Variants in UXS1 observed in about 807,000 individuals in gnomAD.
UXS1 encodes the protein UDP-glucuronate decarboxylase 1.
Under a neutral mutation model 62.6 loss-of-function variants are expected in UXS1, and 33 were observed. The observed-to-expected ratio is 0.53, with a 90% confidence interval of 0.40 to 0.70. The LOEUF is 0.70. Among genes scored for constraint, UXS1 ranks in the 30% least tolerant of loss-of-function variants. The probability of loss-of-function intolerance (pLI) is 0.00; values close to 1 mark genes in which losing one functional copy is unlikely to be tolerated. For missense variants in UXS1, 434 were observed against 556.3 expected, an observed-to-expected ratio of 0.78 and a Z score of 2.21; for synonymous variants, 213 against 206.8, an observed-to-expected ratio of 1.03 and a Z score of -0.26.
intron 1 of UXS1, among the ~76,000 whole-genome samples, chr2:106,192,975 G>A (rs1349921816): frequency 6.6e-6 from 1 of 152,048 alleles, no homozygotes; most frequent in African/African-American, 2.4e-5. Flanking sequence ...ACTCAAGATT[G>A]ACCACACACA....
intron 2 of UXS1, 148 bp downstream of exon 2, chr2:106,165,908 G>A: frequency 1.6e-6 from 1 of 643,398 alleles, no homozygotes; most frequent in East Asian, 3.2e-5. Flanking sequence ...TAGGAGAAAA[G>A]AAACAGCTCA....
At chr2:106,190,804 G>A (rs1235689093) in intron 1 of UXS1, among the ~76,000 whole-genome samples, 1 of 151,536 alleles carries the variant, frequency 6.6e-6, no homozygotes, top group Non-Finnish European at 1.5e-5. Flanking sequence ...GGTGGCAGGG[G>A]ATACTGTTTG....
At chr2:106,191,649 CCAA>C (rs1010390607) in intron 1 of UXS1, among the ~76,000 whole-genome samples, 151 of 152,342 alleles carry the variant, frequency 9.9e-4, no homozygotes, top group African/African-American at 3.6e-3. Context: ...TTTTCACACT[CCAA>C]CAATACCATC....
chr2:106,117,897 A>G (rs1679187616), intron 9 of UXS1, among the ~76,000 whole-genome samples: 1 of 152,264 alleles, frequency 6.6e-6, no homozygotes, highest in Non-Finnish European at 1.5e-5. Context: ...CAAAGGTGCT[A>G]AAAGGTTCAA....
intron 1 of UXS1, among the ~76,000 whole-genome samples, chr2:106,172,909 C>T (rs1049381940): frequency 3.3e-5 from 5 of 152,184 alleles, no homozygotes; most frequent in African/African-American, 1.2e-4. Context: ...TCCCAACTGC[C>T]TCTTCACCTT....
chr2:106,109,008 C>T (rs983786328), intron 10 of UXS1, among the ~76,000 whole-genome samples: 2 of 152,064 alleles, frequency 1.3e-5, no homozygotes, highest in Admixed American at 1.3e-4. Context: ...AGAGTGTGTC[C>T]GACCACCCTG....
At chr2:106,183,578 G>C (rs1470640740) in intron 1 of UXS1, 1 of 152,098 alleles carries the variant, frequency 6.6e-6, no homozygotes, top group East Asian at 1.9e-4. Context: ...CTAAATGCAG[G>C]GCGATGAGGA....
chr2:106,101,622 T>C (rs1269773924), intron 11 of UXS1: 3 of 153,172 alleles, frequency 2.0e-5, no homozygotes, highest in Non-Finnish European at 4.4e-5. Context: ...AAATCACAGA[T>C]AAAGGCAAAC....
At chr2:106,187,284 T>C (rs1684621603) in intron 1 of UXS1, among the ~76,000 whole-genome samples, 1 of 152,114 alleles carries the variant, frequency 6.6e-6, no homozygotes, top group Non-Finnish European at 1.5e-5. Context: ...GAACCTGCAT[T>C]TGACAAGCCC....
At chr2:106,160,493 T>G (rs1682814620) in intron 4 of UXS1, 1 of 152,228 alleles carries the variant, frequency 6.6e-6, no homozygotes, top group South Asian at 2.1e-4. Flanking sequence ...CGCTCGGGAA[T>G]GGGAATATAG....
intron 4 of UXS1, chr2:106,159,523 AGT>A (rs1170109602): frequency 6.6e-6 from 1 of 152,250 alleles, no homozygotes; most frequent in Admixed American, 6.5e-5. Context: ...GGAGCAGGGC[AGT>A]GTGATCTGAA....
Position 106,145,449 on chromosome 2 carries a change from C to CA in UXS1, c.292-80dup. 4 of 1,473,950 alleles carry CA rather than the reference C, an allele frequency of 2.7e-6. No individual in the cohort carries two copies. In the East Asian group the frequency reaches 9.7e-5, roughly 36 times the overall value. The allele number at this position is 1,473,950 out of a possible 1,614,324, so 91.3% of individuals were successfully genotyped here. On this transcript the variant is annotated intron_variant, in intron 5 of 14. Coordinates refer to ENST00000283148, the MANE Select transcript of UXS1 (RefSeq NM_001253875.2). ...AGTGAGGACCAGCTCCACGGAGAGA[C>CA]ATCTCTGGTGCAGCCACGACTTAAA...
chr2:106,094,333 C>A (rs1303672629), intron 14 of UXS1, among the ~76,000 whole-genome samples, 176 bp from the exon 15 acceptor site: 2 of 150,438 alleles, frequency 1.3e-5, no homozygotes, highest in African/African-American at 5.0e-5. Flanking sequence ...TCACGGCCCA[C>A]CGAGAGAAGC....
At chr2:106,175,859 G>A (rs772313358) in intron 1 of UXS1, among the ~76,000 whole-genome samples, 10 of 152,080 alleles carry the variant, frequency 6.6e-5, no homozygotes, top group Non-Finnish European at 1.3e-4. Flanking sequence ...TAAATACAAC[G>A]GTAACTGTTT....
At chr2:106,125,740 C>T in intron 7 of UXS1, 61 bp from the exon 8 acceptor site, 2 of 1,440,604 alleles carry the variant, frequency 1.4e-6, no homozygotes, top group East Asian at 2.5e-5. Flanking sequence ...ACATTTTTTG[C>T]TGGCCAATTT....
intron 11 of UXS1, chr2:106,102,098 G>A (rs1391947694): frequency 4.6e-5 from 7 of 152,154 alleles, no homozygotes; most frequent in African/African-American, 1.7e-4. Context: ...AGATATTTCT[G>A]CGTTTTCCTT....
Position 106,093,705 on chromosome 2 carries a change from A to G in UXS1, c.*321T>C, listed in dbSNP as rs780538977. 9.8e-5 allele frequency: 23 copies of G among 233,518 alleles called. No homozygotes were observed. The highest frequency in any genetic ancestry group is 1.4e-4 in the Non-Finnish European group (17 of 122,324). The allele number at this position is 233,518 out of a possible 1,614,324, so 14.5% of individuals were successfully genotyped here. A position where few individuals can be genotyped will look rare whatever the true frequency, so the allele number is the denominator to read the frequency against. The stretch of plus-strand genomic sequence containing the variant: ...GCTTAATGTTCCTTTTCAGCTTCAC[A>G]AAGAAACCAGTAAATAAAACTGTCA... On this transcript the variant is annotated 3_prime_UTR_variant, in exon 15 of 15. Coordinates refer to ENST00000283148, the MANE Select transcript of UXS1 (RefSeq NM_001253875.2).
At chr2:106,111,809 T>C (rs991764963) in intron 10 of UXS1, among the ~76,000 whole-genome samples, 1 of 152,186 alleles carries the variant, frequency 6.6e-6, no homozygotes, top group African/African-American at 2.4e-5. Context: ...CCACAGGATT[T>C]TCAGAGTAAC....
chr2:106,150,203 T>TA (rs1681897259), intron 5 of UXS1, among the ~76,000 whole-genome samples: 1 of 152,172 alleles, frequency 6.6e-6, no homozygotes, highest in South Asian at 2.1e-4. Flanking sequence ...AAAAATGATT[T>TA]AAAGACAGAT....
Sources: gnomAD v4.1 joint callset for allele counts (sites outside exome capture counted in the v4.1 genomes callset) on GRCh38, gnomAD v4.1.1 for gene constraint, MANE v1.5 for transcripts, NCBI Gene and HGNC (gene_info 2026-07-23, HGNC 2026-07-21) for gene names.